The following SNN variants were observed in gnomAD, a reference collection of about 807,000 sequenced individuals.
The protein encoded by SNN is AG8_1.
Under a neutral mutation model 5.3 loss-of-function variants are expected in SNN, and 5 were observed. The ratio of observed to expected loss-of-function variants is 0.94; its 90% CI spans 0.49 to 1.97. The LOEUF (loss-of-function observed/expected upper bound fraction) is 1.97, where lower values mean the gene tolerates loss of function less well. Among genes scored for constraint, SNN ranks in the 30% most tolerant of loss-of-function variants. The pLI is 0.01. For missense variants in SNN, 127 were observed against 121.6 expected (o/e 1.04, Z -0.21); for synonymous variants, 67 against 52.1 (o/e 1.29, Z -1.24).
At position 11,676,526 on chromosome 16, in the gene SNN, C is replaced by T; in HGVS notation, c.*200C>T. ...CCCTCGGCCTCCAGGTGAGGCTGCC[C>T]ATTGCAGGCACTGGGCAGGCCTGAC... On this transcript the variant is annotated 3_prime_UTR_variant, in exon 2 of 2. Coordinates refer to ENST00000329565, the MANE Select transcript of SNN (RefSeq NM_003498.6). 1.6e-6 allele frequency: 1 copy of T among 642,438 alleles called. No homozygotes were observed. The highest frequency in any genetic ancestry group is 2.7e-6 in the Non-Finnish European group (1 of 365,992). The allele number at this position is 642,438 out of a possible 1,614,324, so 39.8% of individuals were successfully genotyped here.
At position 11,668,532 on chromosome 16, in the gene SNN, C is replaced by G. The variant is rs1028971750; in HGVS notation, c.-94C>G. 1 of 144,272 alleles carries G rather than the reference C, an allele frequency of 6.9e-6. No homozygotes were observed. The highest frequency in any genetic ancestry group is 1.5e-5 in the Non-Finnish European group (1 of 64,952). The allele number at this position is 144,272 out of a possible 1,614,324, so 8.9% of individuals were successfully genotyped here. A position where few individuals can be genotyped will look rare whatever the true frequency, so the allele number is the denominator to read the frequency against. On this transcript the variant is annotated 5_prime_UTR_variant, in exon 1 of 2. Transcript: ENST00000329565. This position sits in a 1 kb window ranked among gnomAD's most constrained non-coding sequence, Gnocchi z 6.8. ...CGGGGCGATCGGGCCGGGCCGCTGC[C>G]GCGCCATGGTGAGCCGGGCGGGGCA...
intron 1 of SNN, among the ~76,000 whole-genome samples, chr16:11,669,309 C>G (rs1226757789): frequency 2.0e-5 from 3 of 152,230 alleles, no homozygotes; most frequent in Admixed American, 2.0e-4. Context: ...CCCTAAGTCC[C>G]CAGCACCCAG....
chr16:11,672,213 G>A lies in SNN; in HGVS notation c.-86+3673G>A, dbSNP rs964476334. Reference sequence around the variant, plus strand: ...GCAGGGCAGGGGTACAGCTGTGGGCGGGACAGACGGTGCCCTCCTTGGACT... The same window carrying A: ...GCAGGGCAGGGGTACAGCTGTGGGCAGGACAGACGGTGCCCTCCTTGGACT... On this transcript the variant is annotated intron_variant, in intron 1 of 1. Transcript: ENST00000329565. The surrounding 1 kb of genome is among the most constrained non-coding windows in gnomAD (Gnocchi z 6.0). Among the ~76,000 whole-genome samples, 7 of 152,192 alleles carry A rather than the reference G, an allele frequency of 4.6e-5. No homozygotes were observed. The highest frequency in any genetic ancestry group is 7.3e-5 in the Non-Finnish European group (5 of 68,028).
chr16:11,675,404 A>G lies in SNN; in HGVS notation c.-85-571A>G, dbSNP rs116896247. Among the ~76,000 whole-genome samples, 1,263 of 151,778 alleles carry G rather than the reference A, an allele frequency of 8.3e-3. 9 individuals are homozygous for G. The highest frequency in any genetic ancestry group is 0.027 in the Middle Eastern group (8 of 292). ...TGCCTTAGCCTCCCAAGTAACTGGG[A>G]TTACACGCATGTGCCACCATGCCCA... On this transcript the variant is annotated intron_variant, in intron 1 of 1. Coordinates refer to ENST00000329565, the MANE Select transcript of SNN (RefSeq NM_003498.6).
At chr16:11,675,821 A>G (rs1300809496) in intron 1 of SNN, among the ~76,000 whole-genome samples, 154 bp from the exon 2 acceptor site, 4 of 152,226 alleles carry the variant, frequency 2.6e-5, no homozygotes, top group African/African-American at 7.2e-5. Context: ...GGTCATGAAC[A>G]GGAGCTGGGT....
At chr16:11,674,632 A>AGGCTT (rs1379444773) in intron 1 of SNN, among the ~76,000 whole-genome samples, 1 of 152,230 alleles carries the variant, frequency 6.6e-6, no homozygotes, top group Non-Finnish European at 1.5e-5. Context: ...TGTGGAGCAC[A>AGGCTT]GGCTTGGCCT....
rs556363018 is a variant in SNN, at chr16:11,672,260, A to G, written c.-85-3715A>G. ...GACTGCCTTGGAGTCCAGTGCGGGG[A>G]GTGAGACAGCAGCCAGGGGACAGCC... On this transcript the variant is annotated intron_variant, in intron 1 of 1. Transcript: ENST00000329565. The surrounding 1 kb of genome is among the most constrained non-coding windows in gnomAD (Gnocchi z 6.0). Among the ~76,000 whole-genome samples the G allele has an allele frequency of 3.3e-5, 5 of 152,142 alleles. No individual in the cohort carries two copies. The South Asian group carries it at 1.0e-3, about 32-fold the overall frequency.
chr16:11,671,619 G>A lies in SNN; in HGVS notation c.-86+3079G>A, dbSNP rs149028630. On this transcript the variant is annotated intron_variant, in intron 1 of 1. Transcript: ENST00000329565. The surrounding 1 kb of genome is among the most constrained non-coding windows in gnomAD (Gnocchi z 4.7). ...ATGAATGTGAGCTGCTGTCATGATG[G>A]TTGTTGGGTGGGCCAGGATTCCCAT... 1.1e-3 allele frequency among the ~76,000 whole-genome samples: 168 copies of A among 152,296 alleles called. No individual in the cohort carries two copies. The highest frequency in any genetic ancestry group is 3.9e-3 in the African/African-American group (162 of 41,562).
At chr16:11,670,219 T>TGGG (rs145789425) in intron 1 of SNN, among the ~76,000 whole-genome samples, 3,243 of 150,314 alleles carry the variant, frequency 0.022, 132 homozygotes, top group African/African-American at 0.077. Flanking sequence ...GGTGGCTTTA[T>TGGG]GGGGGGAGGC....
In SNN at chr16:11,679,116, A is replaced by T; in HGVS notation, c.*2790A>T. ...ACCACTGAGAAAATCTTTATTTACA[A>T]TAAATTTCAATAAAATTTGCATAAA... On this transcript the variant is annotated 3_prime_UTR_variant, in exon 2 of 2. Transcript: ENST00000329565. The surrounding 1 kb of genome is among the most constrained non-coding windows in gnomAD (Gnocchi z 4.6). 7.0e-7 allele frequency: 1 copy of T among 1,433,490 alleles called. No homozygotes were observed. Among genetic ancestry groups the T allele is most frequent in the South Asian group, 1.3e-5 (1 of 77,762 alleles). The allele number at this position is 1,433,490 out of a possible 1,614,324, so 88.8% of individuals were successfully genotyped here.
chr16:11,676,421 G>T lies in SNN; in HGVS notation c.*95G>T. 1.4e-6 allele frequency: 2 copies of T among 1,394,440 alleles called. No homozygotes were observed. The highest frequency in any genetic ancestry group is 2.7e-5 in the South Asian group (2 of 72,820). 86.4% of individuals were successfully genotyped at this position (1,394,440 alleles called of 1,614,324 possible). On this transcript the variant is annotated 3_prime_UTR_variant, in exon 2 of 2. Coordinates refer to ENST00000329565, the MANE Select transcript of SNN (RefSeq NM_003498.6). ...GATGCGCTGCTGTCTGAGAGGAAGG[G>T]CTGACACTTGCTGGCATGGCCTCTG...
intron 1 of SNN, 120 bp from the exon 2 acceptor site, chr16:11,675,855 C>G: frequency 1.8e-6 from 1 of 567,422 alleles, no homozygotes; most frequent in South Asian, 2.6e-5. Flanking sequence ...CAGACGCCTT[C>G]GAACGCCGGC....
rs1397774839 is a variant in SNN, at chr16:11,668,906, G to A, written c.-86+366G>A. Among the ~76,000 whole-genome samples the A allele has an allele frequency of 6.6e-6, 1 of 151,932 alleles. No homozygotes were observed. Among genetic ancestry groups the A allele is most frequent in the African/African-American group, 2.4e-5 (1 of 41,418 alleles). ...TTCGGGGTTCTTCAAAATTCTGGGAGCTCCGGGGAGGGCTCCGGGGATAGG... is the reference window on the plus strand; with the variant it reads ...TTCGGGGTTCTTCAAAATTCTGGGAACTCCGGGGAGGGCTCCGGGGATAGG... On this transcript the variant is annotated intron_variant, in intron 1 of 1. Coordinates refer to ENST00000329565, the MANE Select transcript of SNN (RefSeq NM_003498.6). The surrounding 1 kb of genome is among the most constrained non-coding windows in gnomAD (Gnocchi z 6.8).
intron 1 of SNN, among the ~76,000 whole-genome samples, chr16:11,674,831 C>T (rs543578166): frequency 6.6e-6 from 1 of 152,344 alleles, no homozygotes; most frequent in South Asian, 2.1e-4. Context: ...ATCTTGGCAC[C>T]TGGTTGCTGT....
chr16:11,675,266 T>G (rs1312752882), intron 1 of SNN, among the ~76,000 whole-genome samples: 2 of 144,930 alleles, frequency 1.4e-5, no homozygotes, highest in Non-Finnish European at 3.0e-5. Context: ...TTCTTTTTTT[T>G]TTTTTTTTTT....
Position 11,676,123 on chromosome 16 carries a change from A to G in SNN, c.64A>G (p.Ile22Val), listed in dbSNP as rs1230448505. Residue 22 changes from isoleucine (I) to valine (V), a missense_variant, in exon 2 of 2, where the codon ATC becomes GTC. Physicochemically the swap from Ile to Val is conservative, Grantham distance 29. Coordinates refer to ENST00000329565, the MANE Select transcript of SNN (RefSeq NM_003498.6). The stretch of plus-strand genomic sequence containing the variant: ...CACAGTCATCGTCATCCTCATTGCC[A>G]TCGCGGCCCTGGGGGCCTTGATCCT... ...VVTVIVILIA[I>V]AALGALILGC... is the part of the protein sequence containing the mutation. The G allele has an allele frequency of 3.1e-6, 5 of 1,614,018 alleles. No homozygotes were observed. Among genetic ancestry groups the G allele is most frequent in the Middle Eastern group, 1.6e-4 (1 of 6,084 alleles).
rs2050272219 is a variant in SNN at position 11,672,526 on chromosome 16, A to G, written c.-85-3449A>G. ...ACGCCTGGGGAGGCAGGGAGCTTGG[A>G]TTCTCTTTGGTGCTGGGGAGGATTC... On this transcript the variant is annotated intron_variant, in intron 1 of 1. Transcript: ENST00000329565. This position sits in a 1 kb window ranked among gnomAD's most constrained non-coding sequence, Gnocchi z 6.0. Among the ~76,000 whole-genome samples, 1 of 152,136 alleles carries G rather than the reference A, an allele frequency of 6.6e-6. No homozygotes were observed. The highest frequency in any genetic ancestry group is 1.5e-5 in the Non-Finnish European group (1 of 68,008).
Position 11,672,907 on chromosome 16 carries a change from C to T in SNN, c.-85-3068C>T, listed in dbSNP as rs1399082416. Among the ~76,000 whole-genome samples the T allele has an allele frequency of 6.6e-6, 1 of 152,184 alleles. No individual in the cohort carries two copies. The highest frequency in any genetic ancestry group is 1.5e-5 in the Non-Finnish European group (1 of 68,034). On this transcript the variant is annotated intron_variant, in intron 1 of 1. Transcript: ENST00000329565. This position sits in a 1 kb window ranked among gnomAD's most constrained non-coding sequence, Gnocchi z 6.0. ...CCTGGCCTGCCCACCTGGCTTTGCC[C>T]CGCCTATCCCAGGTCCTGGTGCCAT... is the stretch of plus-strand genomic sequence containing the variant.
rs1441830324 is a variant in SNN at position 11,668,998 on chromosome 16, G to T, written c.-86+458G>T. Among the ~76,000 whole-genome samples, 2 of 152,136 alleles carry T rather than the reference G, an allele frequency of 1.3e-5. No homozygotes were observed. Among genetic ancestry groups the T allele is most frequent in the African/African-American group, 4.8e-5 (2 of 41,438 alleles). On this transcript the variant is annotated intron_variant, in intron 1 of 1. Coordinates refer to ENST00000329565, the MANE Select transcript of SNN (RefSeq NM_003498.6). The surrounding 1 kb of genome is among the most constrained non-coding windows in gnomAD (Gnocchi z 6.8). ...CTGAGGCCGGGCCGCAGCGTTCGGC[G>T]CCCGGTTCCGTGGGCAGCGGCTGCG...
Sources: allele counts gnomAD v4.1 joint callset (sites outside exome capture counted in the v4.1 genomes callset), GRCh38; gene constraint gnomAD v4.1.1; non-coding constraint Gnocchi (gnomAD v3.1); transcripts MANE v1.5; gene names NCBI Gene and HGNC (gene_info 2026-07-23, HGNC 2026-07-21).